CACNB2: variants seen among roughly 807,000 people sequenced by gnomAD.
The protein encoded by CACNB2 is voltage-dependent L-type calcium channel subunit beta-2.
Under a neutral mutation model 73.3 loss-of-function variants are expected in CACNB2, and 42 were observed. That is an observed-to-expected ratio of 0.57 (90% CI 0.45 to 0.74). The LOEUF (loss-of-function observed/expected upper bound fraction) is 0.74. CACNB2 is among the 30% of genes least tolerant of loss of function. The pLI is 0.00. For missense variants in CACNB2, 940 were observed against 853.0 expected (o/e 1.10, Z -1.27); for synonymous variants, 348 against 310.3 (o/e 1.12, Z -1.28).
intron 2 of CACNB2, among the ~76,000 whole-genome samples, chr10:18,291,591 C>G (rs535227976): frequency 3.3e-5 from 5 of 152,292 alleles, no homozygotes; most frequent in Admixed American, 6.5e-5. Context: ...TTCGCTGTTA[C>G]TTATGATATC....
At chr10:18,276,367 A>G (rs1051806608) in intron 2 of CACNB2, among the ~76,000 whole-genome samples, 3 of 152,132 alleles carry the variant, frequency 2.0e-5, no homozygotes, top group African/African-American at 7.2e-5. Flanking sequence ...GTATATACAA[A>G]CTACATGGAC....
At chr10:18,536,011 A>T in intron 11 of CACNB2, 90 bp from the exon 12 acceptor site, 1 of 764,320 alleles carries the variant, frequency 1.3e-6, no homozygotes, top group South Asian at 1.5e-5. Flanking sequence ...GCTGTATATA[A>T]AAAGGCCCCA....
chr10:18,203,003 ATT>A (rs1366077535), intron 2 of CACNB2, among the ~76,000 whole-genome samples: 1 of 152,126 alleles, frequency 6.6e-6, no homozygotes, highest in Non-Finnish European at 1.5e-5. Flanking sequence ...ATCACTGAAC[ATT>A]TTCCTTGATT....
chr10:18,393,807 G>C (rs1365918908), intron 2 of CACNB2, among the ~76,000 whole-genome samples: 1 of 152,198 alleles, frequency 6.6e-6, no homozygotes. Flanking sequence ...AGAATGCTTG[G>C]TGATGCTGAG....
intron 2 of CACNB2, among the ~76,000 whole-genome samples, chr10:18,201,490 G>A (rs1239105837): frequency 2.0e-5 from 3 of 152,216 alleles, no homozygotes; most frequent in Non-Finnish European, 2.9e-5. Flanking sequence ...GGACAAGCTG[G>A]TCTTGAACTC....
At chr10:18,237,803 G>C (rs779228464) in intron 2 of CACNB2, among the ~76,000 whole-genome samples, 4 of 152,234 alleles carry the variant, frequency 2.6e-5, no homozygotes, top group Admixed American at 6.5e-5. Flanking sequence ...GTATGCACCA[G>C]TGTACCGCAA....
In CACNB2 at chr10:18,539,894, A is replaced by ATACTT. The variant is rs1355017470; in HGVS notation, c.*172_*176dup. On this transcript the variant is annotated 3_prime_UTR_variant, in exon 14 of 14. Coordinates refer to ENST00000324631, the MANE Select transcript of CACNB2 (RefSeq NM_201596.3). Reference sequence around the variant, plus strand: ...GCAATAGCATGGATAGAGTATTGAGATACTTTTTCTTTTGTAAGTGCTACA... The same window carrying ATACTT: ...GCAATAGCATGGATAGAGTATTGAGATACTTTACTTTTTCTTTTGTAAGTGCTACA... The ATACTT allele has an allele frequency of 1.1e-5, 8 of 749,474 alleles. No homozygotes were observed. The highest frequency in any genetic ancestry group is 1.7e-5 in the Non-Finnish European group (8 of 478,376). The allele number at this position is 749,474 out of a possible 1,614,324, so 46.4% of individuals were successfully genotyped here.
chr10:18,519,900 G>A (rs2051680183), intron 9 of CACNB2: 2 of 361,626 alleles, frequency 5.5e-6, no homozygotes, highest in South Asian at 2.1e-5. Flanking sequence ...AGCAGTAGTT[G>A]ACATGGTGGA....
chr10:18,301,838 G>A lies in CACNB2; in HGVS notation c.214-100086G>A, dbSNP rs1211416589. On this transcript the variant is annotated intron_variant, in intron 2 of 13. Transcript: ENST00000324631. The stretch of plus-strand genomic sequence containing the variant: ...TAATTTTTGTATTTTTAGTAGAGAC[G>A]GGGTTTCACCATGTTGGCCAGGCTG... 4.8e-5 allele frequency among the ~76,000 whole-genome samples: 7 copies of A among 145,368 alleles called. No individual in the cohort carries two copies. In the East Asian group the frequency reaches 5.9e-4, roughly 12 times the overall value.
intron 2 of CACNB2, among the ~76,000 whole-genome samples, chr10:18,378,724 C>A (rs527293921): frequency 6.6e-6 from 1 of 152,164 alleles, no homozygotes; most frequent in Non-Finnish European, 1.5e-5. Flanking sequence ...GCACTCCAGT[C>A]TGGGGAAACC....
At chr10:18,291,566 T>C (rs1259548839) in intron 2 of CACNB2, among the ~76,000 whole-genome samples, 1 of 152,224 alleles carries the variant, frequency 6.6e-6, no homozygotes, top group Non-Finnish European at 1.5e-5. Context: ...GAAGATGGGC[T>C]ATGGGAAGGT....
At chr10:18,161,650 C>T (rs1453910256) in intron 2 of CACNB2, among the ~76,000 whole-genome samples, 2 of 149,700 alleles carry the variant, frequency 1.3e-5, no homozygotes, top group Non-Finnish European at 3.0e-5. Flanking sequence ...TTTATAACAA[C>T]TGCCCCTTCC....
At chr10:18,260,486 A>G (rs778508135) in intron 2 of CACNB2, 22 of 985,338 alleles carry the variant, frequency 2.2e-5, no homozygotes, top group African/African-American at 3.5e-5. Context: ...TGCTTGAGCG[A>G]GTCAGGTCCT....
intron 2 of CACNB2, among the ~76,000 whole-genome samples, chr10:18,255,392 CT>C (rs2037242219): frequency 6.6e-6 from 1 of 152,152 alleles, no homozygotes; most frequent in Non-Finnish European, 1.5e-5. Context: ...TCTGACCCTT[CT>C]AATTCTCGAA....
chr10:18,170,501 CG>C (rs745378515), intron 2 of CACNB2, among the ~76,000 whole-genome samples: 16 of 152,144 alleles, frequency 1.1e-4, no homozygotes, highest in Non-Finnish European at 2.2e-4. Flanking sequence ...TGGGAATATA[CG>C]TGTAAATATA....
intron 2 of CACNB2, among the ~76,000 whole-genome samples, chr10:18,381,583 G>A (rs2043019910): frequency 6.6e-6 from 1 of 151,818 alleles, no homozygotes; most frequent in African/African-American, 2.4e-5. Flanking sequence ...AGCTACTGGG[G>A]TGGCTGAGGC....
chr10:18,410,897 T>A (rs897166312), intron 3 of CACNB2, among the ~76,000 whole-genome samples: 5 of 152,156 alleles, frequency 3.3e-5, no homozygotes, highest in Admixed American at 3.3e-4. Context: ...AGAGAATCAC[T>A]GGAACCCAGG....
At chr10:18,238,550 A>C (rs1004156091) in intron 2 of CACNB2, 1 of 152,254 alleles carries the variant, frequency 6.6e-6, no homozygotes, top group African/African-American at 2.4e-5. Flanking sequence ...TCAATCCAAC[A>C]TAAGGGACTA....
chr10:18,165,115 G>A (rs55890801), intron 2 of CACNB2, among the ~76,000 whole-genome samples: 23,140 of 152,058 alleles, frequency 0.15, 1,876 homozygotes, highest in Non-Finnish European at 0.17. Context: ...GTGGGTACAC[G>A]GGGAGGCGAC....
Sources: allele counts gnomAD v4.1 joint callset (sites outside exome capture counted in the v4.1 genomes callset), GRCh38; gene constraint gnomAD v4.1.1; transcripts MANE v1.5; gene names NCBI Gene and HGNC (gene_info 2026-07-23, HGNC 2026-07-21).